The following SHANK2 variants were observed in gnomAD, a reference collection of about 807,000 sequenced individuals.
SHANK2 encodes the protein SH3 and multiple ankyrin repeat domains 2.
In SHANK2, 43 loss-of-function variants were observed where a neutral mutation model predicts 133.7. The observed-to-expected ratio is 0.32, with a 90% CI of 0.25 to 0.41. The LOEUF (loss-of-function observed/expected upper bound fraction) is 0.41. Among genes scored for constraint, SHANK2 ranks in the 10% least tolerant of loss-of-function variants. SHANK2 has a pLI of 1.00. For synonymous variants in SHANK2, 1,017 were observed against 952.8 expected, an observed-to-expected ratio of 1.07 and a Z score of -1.24; for missense variants, 1,994 against 2,235.8, an observed-to-expected ratio of 0.89 and a Z score of 2.18.
chr11:71,251,457 C>T (rs1272544118), intron 1 of SHANK2, among the ~76,000 whole-genome samples: 2 of 152,104 alleles, frequency 1.3e-5, no homozygotes, highest in African/African-American at 4.8e-5. Flanking sequence ...GACGAGTGCG[C>T]TGTCGGCGTC....
chr11:71,166,424 C>T (rs1432296406), intron 2 of SHANK2, among the ~76,000 whole-genome samples: 1 of 151,880 alleles, frequency 6.6e-6, no homozygotes, highest in African/African-American at 2.4e-5. Flanking sequence ...CAGCACACCC[C>T]GGTATTACAA....
intron 15 of SHANK2, among the ~76,000 whole-genome samples, chr11:70,681,673 C>G (rs1945032000): frequency 6.6e-6 from 1 of 152,114 alleles, no homozygotes; most frequent in Non-Finnish European, 1.5e-5. Flanking sequence ...GCTGAGCTCC[C>G]CAGATTACTC....
intron 17 of SHANK2, among the ~76,000 whole-genome samples, chr11:70,594,505 T>C (rs2060371490): frequency 6.6e-6 from 1 of 152,148 alleles, no homozygotes; most frequent in Admixed American, 6.5e-5. Flanking sequence ...CTGCATGAAG[T>C]CAACCCAAGG....
At chr11:71,173,237 G>A (rs1186826029) in intron 2 of SHANK2, among the ~76,000 whole-genome samples, 1 of 152,224 alleles carries the variant, frequency 6.6e-6, no homozygotes, top group Non-Finnish European at 1.5e-5. Flanking sequence ...CCCTCATGGA[G>A]GACAAGATGA....
At chr11:70,484,192 A>C (rs1373683626) in intron 25 of SHANK2, among the ~76,000 whole-genome samples, 2 of 152,214 alleles carry the variant, frequency 1.3e-5, no homozygotes, top group Non-Finnish European at 2.9e-5. Context: ...AAAGCCACAG[A>C]CTGCTGAGCC....
At chr11:70,817,766 G>A (rs529437339) in intron 12 of SHANK2, among the ~76,000 whole-genome samples, 20 of 152,236 alleles carry the variant, frequency 1.3e-4, no homozygotes, top group East Asian at 3.9e-4. Flanking sequence ...ATGGAGTCTC[G>A]CTCTGTCACT....
At chr11:70,749,956 T>G (rs564121718) in intron 14 of SHANK2, among the ~76,000 whole-genome samples, 1 of 152,218 alleles carries the variant, frequency 6.6e-6, no homozygotes, top group Non-Finnish European at 1.5e-5. Flanking sequence ...CTTCTCAAAT[T>G]TGATGAAAGA....
intron 8 of SHANK2, among the ~76,000 whole-genome samples, chr11:71,089,263 C>T (rs1221388793): frequency 6.6e-6 from 1 of 152,140 alleles, no homozygotes; most frequent in African/African-American, 2.4e-5. Context: ...AACACCAGCA[C>T]AGAGCTGACA....
intron 14 of SHANK2, among the ~76,000 whole-genome samples, chr11:70,755,811 C>G (rs548764277): frequency 6.6e-6 from 1 of 152,364 alleles, no homozygotes; most frequent in Admixed American, 6.5e-5. Context: ...GCCGCGGCTT[C>G]CGGAGGGGCC....
In SHANK2 at chr11:71,087,550, G is replaced by A. The variant is rs927320216; in HGVS notation, c.912+4872C>T. ...ACTGTGATGTCTAAAGGGAAGACAT[G>A]TCTGGAAAACACAAATTCAAGCAGG... On this transcript the variant is annotated intron_variant, in intron 8 of 25. Transcript: ENST00000601538. Among the ~76,000 whole-genome samples, 12 of 152,316 alleles carry A rather than the reference G, an allele frequency of 7.9e-5. No individual in the cohort carries two copies. The South Asian group carries it at 2.5e-3, about 32-fold the overall frequency.
rs1336982071 is a variant in SHANK2, at chr11:70,580,472, G to A, written c.2062-77541C>T. ...CCCTCCTGCAGGATGAAATTGGACC[G>A]CCAATGAGCGGCGTGGGCCTGCAGC... On this transcript the variant is annotated intron_variant, in intron 17 of 25. Coordinates refer to ENST00000601538, the MANE Select transcript of SHANK2 (RefSeq NM_012309.5). Among the ~76,000 whole-genome samples the A allele has an allele frequency of 3.3e-5, 5 of 152,216 alleles. No individual in the cohort carries two copies. In the East Asian group the frequency reaches 5.8e-4, roughly 18 times the overall value.
intron 1 of SHANK2, among the ~76,000 whole-genome samples, chr11:71,245,476 A>G (rs1954949230): frequency 6.6e-6 from 1 of 152,260 alleles, no homozygotes; most frequent in South Asian, 2.1e-4. Flanking sequence ...TAAGAGAGCA[A>G]AAAAGATTCC....
At chr11:70,851,906 C>T (rs1461406661) in intron 11 of SHANK2, among the ~76,000 whole-genome samples, 1 of 152,036 alleles carries the variant, frequency 6.6e-6, no homozygotes, top group Non-Finnish European at 1.5e-5. Flanking sequence ...TAAAGTGAGG[C>T]AGACTCATAA....
rs906903499 is a variant in SHANK2, at chr11:70,472,441, C to T, written c.*428G>A. Reference sequence around the variant, plus strand: ...ACAGGACTGAGGAAAGGCCTCATGCCGGGGCCTGGGGTGGTGAGAGCTGCC... The same window carrying T: ...ACAGGACTGAGGAAAGGCCTCATGCTGGGGCCTGGGGTGGTGAGAGCTGCC... On this transcript the variant is annotated 3_prime_UTR_variant, in exon 26 of 26. Coordinates refer to ENST00000601538, the MANE Select transcript of SHANK2 (RefSeq NM_012309.5). This position sits in a 1 kb window ranked among gnomAD's most constrained non-coding sequence, Gnocchi z 4.4. The T allele has an allele frequency of 2.8e-5, 7 of 251,212 alleles. No homozygotes were observed. The highest frequency in any genetic ancestry group is 5.3e-5 in the South Asian group (1 of 18,746). The allele number at this position is 251,212 out of a possible 1,614,324, so 15.6% of individuals were successfully genotyped here.
At chr11:70,827,822 G>A (rs1397097845) in intron 11 of SHANK2, among the ~76,000 whole-genome samples, 1 of 151,992 alleles carries the variant, frequency 6.6e-6, no homozygotes, top group Non-Finnish European at 1.5e-5. Context: ...AATAAAAATG[G>A]CGGTGTGAGA....
chr11:70,609,734 A>C (rs560714569), intron 17 of SHANK2, among the ~76,000 whole-genome samples: 7 of 150,512 alleles, frequency 4.7e-5, no homozygotes, highest in Non-Finnish European at 7.4e-5. Flanking sequence ...TTGTATATAC[A>C]TGTACTATAT....
chr11:70,475,466 G>GT (rs1292909674), intron 25 of SHANK2, among the ~76,000 whole-genome samples: 4 of 152,150 alleles, frequency 2.6e-5, no homozygotes, highest in African/African-American at 9.7e-5. Flanking sequence ...GTCTCTCTCC[G>GT]TTTTTTTCTT....
Position 70,487,296 on chromosome 11 carries a change from G to C in SHANK2, c.2997C>G (p.Ala999=), listed in dbSNP as rs782382277. 6.2e-7 allele frequency: 1 copy of C among 1,614,196 alleles called. No individual in the cohort carries two copies. The highest frequency in any genetic ancestry group is 1.1e-5 in the South Asian group (1 of 91,084). ...YSEVGKIASK[A]VYVPAKPARR... ...TGGCGGGCTTGGCGGGGACGTAGAC[G>C]GCTTTGCTGGCGATCTTCCCCACCT... The change falls in exon 25 of 26, where the codon GCC becomes GCG. Residue 999 remains alanine, a synonymous_variant. Coordinates refer to ENST00000601538, the MANE Select transcript of SHANK2 (RefSeq NM_012309.5). The surrounding 1 kb of genome is among the most constrained non-coding windows in gnomAD (Gnocchi z 5.8).
At chr11:70,611,005 C>G (rs1471360376) in intron 17 of SHANK2, among the ~76,000 whole-genome samples, 1 of 152,190 alleles carries the variant, frequency 6.6e-6, no homozygotes, top group Non-Finnish European at 1.5e-5. Context: ...AATGATGCAC[C>G]CTGATCCCTT....
Sources: allele counts gnomAD v4.1 joint callset (sites outside exome capture counted in the v4.1 genomes callset), GRCh38; gene constraint gnomAD v4.1.1; non-coding constraint Gnocchi (gnomAD v3.1); transcripts MANE v1.5; gene names NCBI Gene and HGNC (gene_info 2026-07-23, HGNC 2026-07-21).